Variants in ADGRL2 observed in about 807,000 individuals in gnomAD.
The protein encoded by ADGRL2 is calcium-independent alpha-latrotoxin receptor 2.
ADGRL2 carries 44 observed loss-of-function variants against 157.4 expected under a neutral mutation model. The ratio of observed to expected loss-of-function variants is 0.28; its 90% CI spans 0.22 to 0.36. ADGRL2 has a LOEUF of 0.36. ADGRL2 is among the 10% of genes least tolerant of loss of function. ADGRL2 has a pLI of 1.00. For synonymous variants in ADGRL2, 585 were observed against 624.7 expected, an observed-to-expected ratio of 0.94 and a Z score of 0.95; for missense variants, 1,510 against 1,768.9, an observed-to-expected ratio of 0.85 and a Z score of 2.63.
intron 2 of ADGRL2, among the ~76,000 whole-genome samples, chr1:81,879,059 T>A (rs1411655131): frequency 6.6e-6 from 1 of 152,238 alleles, no homozygotes; most frequent in Admixed American, 6.5e-5. Context: ...GAAAATAATG[T>A]ATCTTCTTCC....
At chr1:81,371,675 C>A (rs987696528) in intron 1 of ADGRL2, among the ~76,000 whole-genome samples, 2 of 152,054 alleles carry the variant, frequency 1.3e-5, no homozygotes, top group Admixed American at 1.3e-4. Flanking sequence ...TTGTTTTTAT[C>A]TTAATTGTTT....
intron 2 of ADGRL2, among the ~76,000 whole-genome samples, chr1:81,458,150 G>A (rs1012676754): frequency 2.0e-5 from 3 of 152,114 alleles, no homozygotes; most frequent in Non-Finnish European, 4.4e-5. Flanking sequence ...CACATAGACT[G>A]TTCTGTTTGG....
At chr1:81,469,088 G>C (rs1201840720) in intron 2 of ADGRL2, among the ~76,000 whole-genome samples, 1 of 152,164 alleles carries the variant, frequency 6.6e-6, no homozygotes, top group Admixed American at 6.5e-5. Context: ...TGCTCTGTCA[G>C]TGGTTCTCAC....
At chr1:81,348,984 G>A (rs1312099043) in intron 1 of ADGRL2, among the ~76,000 whole-genome samples, 1 of 152,184 alleles carries the variant, frequency 6.6e-6, no homozygotes, top group African/African-American at 2.4e-5. Context: ...ACCAATGGAA[G>A]TAATCTGCAG....
chr1:81,511,749 G>A (rs58982379), intron 2 of ADGRL2, among the ~76,000 whole-genome samples: 3,032 of 152,000 alleles, frequency 0.02, 92 homozygotes, highest in African/African-American at 0.07. Flanking sequence ...GTGAATATTG[G>A]ACTTTGACAC....
chr1:81,878,886 A>T (rs2093912207), intron 2 of ADGRL2, among the ~76,000 whole-genome samples: 1 of 152,160 alleles, frequency 6.6e-6, no homozygotes, highest in Non-Finnish European at 1.5e-5. Flanking sequence ...TTTTGGTTTT[A>T]CTGGATTCTA....
At position 81,341,423 on chromosome 1, in the gene ADGRL2, C is replaced by T. The variant is rs1379019635; in HGVS notation, c.-302+34914C>T. ...AAACAAAAATGATTCATCAGTAGGG[C>T]TATTTACCTTTCAGAAAACTGTGAT... is the stretch of plus-strand genomic sequence containing the variant. On this transcript the variant is annotated intron_variant, in intron 1 of 24. Coordinates refer to the ADGRL2 transcript ENST00000370721. Among the ~76,000 whole-genome samples the T allele has an allele frequency of 5.3e-5, 8 of 150,742 alleles. No homozygotes were observed. The East Asian group carries it at 1.6e-3, about 29-fold the overall frequency.
intron 3 of ADGRL2, among the ~76,000 whole-genome samples, chr1:81,613,887 A>G (rs924261260): frequency 2.6e-5 from 4 of 152,104 alleles, no homozygotes; most frequent in African/African-American, 4.8e-5. Flanking sequence ...TTTTTTCCTG[A>G]TGGAATCTCA....
At chr1:81,415,869 C>T (rs1232109930) in intron 1 of ADGRL2, among the ~76,000 whole-genome samples, 1 of 143,874 alleles carries the variant, frequency 7.0e-6, no homozygotes, top group Non-Finnish European at 1.5e-5. Context: ...GAGACGGAGT[C>T]TTGCTCTGTC....
chr1:81,462,024 G>A (rs563352459), intron 2 of ADGRL2, among the ~76,000 whole-genome samples: 1 of 151,648 alleles, frequency 6.6e-6, no homozygotes, highest in Non-Finnish European at 1.5e-5. Context: ...GGTCGGGTGG[G>A]GACTTGGAGA....
At chr1:81,940,480 A>G (rs1452606907) in intron 4 of ADGRL2, among the ~76,000 whole-genome samples, 4 of 151,658 alleles carry the variant, frequency 2.6e-5, no homozygotes, top group South Asian at 2.1e-4. Flanking sequence ...ATAACACATT[A>G]TAGAGCAAGT....
intron 1 of ADGRL2, among the ~76,000 whole-genome samples, chr1:81,375,397 T>C (rs2076232759): frequency 1.3e-5 from 2 of 152,132 alleles, no homozygotes; most frequent in Non-Finnish European, 2.9e-5. Context: ...GTATTTAAGA[T>C]AGCAAACAGC....
chr1:81,881,993 C>G (rs1231801626), intron 2 of ADGRL2, among the ~76,000 whole-genome samples: 1 of 151,978 alleles, frequency 6.6e-6, no homozygotes, highest in Non-Finnish European at 1.5e-5. Flanking sequence ...CTGAGTCTAT[C>G]TTTTTAATGG....
intron 2 of ADGRL2, among the ~76,000 whole-genome samples, chr1:81,541,707 T>C (rs2079887758): frequency 6.6e-6 from 1 of 151,746 alleles, no homozygotes; most frequent in Admixed American, 6.6e-5. Flanking sequence ...CCCAGCACTT[T>C]GGGAGGCTGA....
chr1:81,693,431 T>C (rs1242368812), intron 3 of ADGRL2, among the ~76,000 whole-genome samples: 1 of 152,176 alleles, frequency 6.6e-6, no homozygotes, highest in Non-Finnish European at 1.5e-5. Context: ...GATACAATAG[T>C]TTTAGGCTAA....
At chr1:81,433,029 T>A (rs2077349544) in intron 1 of ADGRL2, among the ~76,000 whole-genome samples, 1 of 152,100 alleles carries the variant, frequency 6.6e-6, no homozygotes, top group Admixed American at 6.5e-5. Flanking sequence ...GGAAGGAACA[T>A]CTGGCTGAAC....
chr1:81,330,874 A>C (rs1661225223), intron 1 of ADGRL2, among the ~76,000 whole-genome samples: 1 of 152,200 alleles, frequency 6.6e-6, no homozygotes, highest in East Asian at 1.9e-4. Context: ...ACGTTGCTCA[A>C]CGGATGTTTT....
intron 3 of ADGRL2, among the ~76,000 whole-genome samples, chr1:81,693,124 A>G (rs1010505173): frequency 6.6e-6 from 1 of 151,722 alleles, no homozygotes; most frequent in Non-Finnish European, 1.5e-5. Context: ...TGGCTAACAC[A>G]TCCTTCTTTC....
chr1:81,920,424 C>T (rs1279259678), intron 3 of ADGRL2, among the ~76,000 whole-genome samples: 1 of 152,154 alleles, frequency 6.6e-6, no homozygotes, highest in East Asian at 1.9e-4. Flanking sequence ...GGCACTGTTT[C>T]TCCCAGCTGT....
Sources: gnomAD v4.1 joint callset for allele counts (sites outside exome capture counted in the v4.1 genomes callset) on GRCh38, gnomAD v4.1.1 for gene constraint, MANE v1.5 for transcripts, NCBI Gene and HGNC (gene_info 2026-07-23, HGNC 2026-07-21) for gene names.